Variants in MYH6 observed in about 807,000 individuals in gnomAD.
The protein encoded by MYH6 is myosin-6.
Under a neutral mutation model 223.2 loss-of-function variants are expected in MYH6, and 126 were observed. The ratio of observed to expected loss-of-function variants is 0.56; its 90% CI spans 0.49 to 0.65. MYH6 has a LOEUF of 0.65. MYH6 is among the 30% of genes least tolerant of loss of function. MYH6 has a pLI of 0.00. For synonymous variants in MYH6, 978 were observed against 1,010.2 expected, an observed-to-expected ratio of 0.97 and a Z score of 0.61; for missense variants, 2,040 against 2,536.4, an observed-to-expected ratio of 0.80 and a Z score of 4.20.
intron 12 of MYH6, among the ~76,000 whole-genome samples, 160 bp downstream of exon 12, chr14:23,402,304 T>C (rs28730777): frequency 0.033 from 5,004 of 152,052 alleles, 266 homozygotes; most frequent in African/African-American, 0.11. Context: ...GGGATTGTGG[T>C]GGACTCTCTG....
intron 34 of MYH6, 79 bp downstream of exon 34, chr14:23,385,849 C>T: frequency 3.1e-6 from 5 of 1,596,738 alleles, no homozygotes; most frequent in East Asian, 4.5e-5. Flanking sequence ...GATGTGCTCA[C>T]TTAGAACATC....
Position 23,407,140 on chromosome 14 carries a change from G to T in MYH6, c.84C>A (p.Thr28=). ...KSEKERLEAQ[T]RPFDIRTECF... The stretch of plus-strand genomic sequence containing the variant: ...ACTCAGTGCGAATGTCAAAGGGCCG[G>T]GTCTGGGCCTCTAGACGCTCCTTCT... The change falls in exon 3 of 39, where the codon ACC becomes ACA. Residue 28 remains threonine, a synonymous_variant. Coordinates refer to ENST00000405093, the MANE Select transcript of MYH6 (RefSeq NM_002471.4). The surrounding 1 kb of genome is among the most constrained non-coding windows in gnomAD (Gnocchi z 5.6). 6.2e-7 allele frequency: 1 copy of T among 1,614,252 alleles called. No homozygotes were observed. The highest frequency in any genetic ancestry group is 8.5e-7 in the Non-Finnish European group (1 of 1,180,052).
Position 23,389,702 on chromosome 14 carries a change from CA to C in MYH6, c.3749del (p.Val1250GlyfsTer14). 6.2e-7 allele frequency: 1 copy of C among 1,614,150 alleles called. No homozygotes were observed. The highest frequency in any genetic ancestry group is 1.3e-5 in the African/African-American group (1 of 75,028). On this transcript the variant is annotated frameshift_variant, in exon 27 of 39. Coordinates refer to ENST00000405093, the MANE Select transcript of MYH6 (RefSeq NM_002471.4). LOFTEE classifies it high-confidence loss of function. ...TGGCCTGGTCCTCCAGCGTCCGAGA[CA>C]CTTTCTCCAGGTTTGCCTTCAGGAA... ...IIKAKANLEK[V>X]SRTLEDQANE...
At chr14:23,404,871 A>C in intron 6 of MYH6, 49 bp from the exon 7 acceptor site, 2 of 1,570,738 alleles carry the variant, frequency 1.3e-6, no homozygotes, top group Non-Finnish European at 1.8e-6. Flanking sequence ...ACTGTTCTCC[A>C]TACAGGGCTC....
chr14:23,398,439 C>T (rs1056233065), intron 15 of MYH6, among the ~76,000 whole-genome samples: 5 of 152,220 alleles, frequency 3.3e-5, no homozygotes, highest in African/African-American at 4.8e-5. Context: ...CCACATGCAT[C>T]GTTCCCTGCT....
chr14:23,407,638 G>A lies in MYH6; in HGVS notation c.-46-30C>T. 8.9e-7 allele frequency: 1 copy of A among 1,122,790 alleles called. No homozygotes were observed. The highest frequency in any genetic ancestry group is 1.1e-6 in the Non-Finnish European group (1 of 910,830). The allele number at this position is 1,122,790 out of a possible 1,614,324, so 69.6% of individuals were successfully genotyped here. A position where few individuals can be genotyped will look rare whatever the true frequency, so the allele number is the denominator to read the frequency against. ...ACCGTGGGTGGAGCAAGGAACAACAGAGGTAGAGCCGGGCAGAGAGAAGAA... is the reference window on the plus strand; with the variant it reads ...ACCGTGGGTGGAGCAAGGAACAACAAAGGTAGAGCCGGGCAGAGAGAAGAA... On this transcript the variant is annotated intron_variant, in intron 1 of 38. Coordinates refer to ENST00000405093, the MANE Select transcript of MYH6 (RefSeq NM_002471.4). This position sits in a 1 kb window ranked among gnomAD's most constrained non-coding sequence, Gnocchi z 5.6.
intron 14 of MYH6, among the ~76,000 whole-genome samples, 190 bp from the exon 15 acceptor site, chr14:23,399,227 C>A (rs975941024): frequency 1.3e-5 from 2 of 152,196 alleles, no homozygotes; most frequent in African/African-American, 2.4e-5. Context: ...CCTTCCTCCT[C>A]CTTTCTGCCC....
Position 23,383,339 on chromosome 14 carries a change from G to GGGGGC in MYH6, c.5566-20_5566-19insGCCCC. ...CCTCTGTCTGGGGGTGGGAGGGTGG[G>GGGGGC]AGAAGCTGGTTTGGAGGGGGAGCAA... On this transcript the variant is annotated intron_variant, in intron 36 of 38. Coordinates refer to ENST00000405093, the MANE Select transcript of MYH6 (RefSeq NM_002471.4). The GGGGGC allele has an allele frequency of 9.2e-6, 1 of 108,202 alleles. No homozygotes were observed. The highest frequency in any genetic ancestry group is 1.8e-5 in the Non-Finnish European group (1 of 54,384). The allele number at this position is 108,202 out of a possible 1,614,324, so 6.7% of individuals were successfully genotyped here.
Position 23,405,249 on chromosome 14 carries a change from T to C in MYH6, c.476A>G (p.Asp159Gly). ...TGTCAGCATGTACTGATAGGCGTTG[T>C]CGGAGATGGAGAAGATGTGGGGCGG... ...EAPPHIFSIS[D>G]NAYQYMLTDR... The change falls in exon 5 of 39, where the codon GAC (aspartate) becomes GGC (glycine). Residue 159 changes from aspartate to glycine, a missense_variant. Physicochemically the swap from Asp to Gly is moderately conservative, Grantham distance 94. Coordinates refer to ENST00000405093, the MANE Select transcript of MYH6 (RefSeq NM_002471.4). This position sits in a 1 kb window ranked among gnomAD's most constrained non-coding sequence, Gnocchi z 4.7. 1 of 1,614,146 alleles carries C rather than the reference T, an allele frequency of 6.2e-7. No individual in the cohort carries two copies. Among genetic ancestry groups the C allele is most frequent in the Non-Finnish European group, 8.5e-7 (1 of 1,180,046 alleles).
At position 23,398,877 on chromosome 14, in the gene MYH6, A is replaced by G; in HGVS notation, c.1742T>C (p.Ile581Thr). 1 of 1,614,070 alleles carries G rather than the reference A, an allele frequency of 6.2e-7. No homozygotes were observed. The highest frequency in any genetic ancestry group is 8.5e-7 in the Non-Finnish European group (1 of 1,180,012). Residue 581 changes from isoleucine (I) to threonine (T), a missense_variant, in exon 15 of 39, where the codon ATC becomes ACC. Coordinates refer to ENST00000405093, the MANE Select transcript of MYH6 (RefSeq NM_002471.4). ...GTAGTCCACAGTGCCGGCGTAGTGGATCAGGGAGAAGTGGGCTTCCTGCTT... is the reference window on the plus strand; with the variant it reads ...GTAGTCCACAGTGCCGGCGTAGTGGGTCAGGGAGAAGTGGGCTTCCTGCTT... Reference protein sequence around the residue: ...KGKQEAHFSLIHYAGTVDYNI... With the variant: ...KGKQEAHFSLTHYAGTVDYNI...
chr14:23,402,453 G>T lies in MYH6; in HGVS notation c.1141+11C>A, dbSNP rs373521230. ...CAGGCCTTCCCAGGGCTGCCTGCCT[G>T]CCCCTCCCACCTTCGGTGCCGTCTG... On this transcript the variant is annotated intron_variant, in intron 12 of 38. Coordinates refer to ENST00000405093, the MANE Select transcript of MYH6 (RefSeq NM_002471.4). 6.2e-7 allele frequency: 1 copy of T among 1,612,376 alleles called. No homozygotes were observed.
chr14:23,385,716 T>C (rs1595048729), intron 34 of MYH6, among the ~76,000 whole-genome samples: 1 of 152,088 alleles, frequency 6.6e-6, no homozygotes, highest in East Asian at 1.9e-4. Context: ...CTTTGGCAGG[T>C]ATCAGCAATC....
chr14:23,398,639 C>T, intron 15 of MYH6, 89 bp downstream of exon 15: 18 of 1,488,540 alleles, frequency 1.2e-5, no homozygotes, highest in Non-Finnish European at 1.7e-5. Flanking sequence ...CTGTGCCTGC[C>T]TATGGAGTCA....
chr14:23,390,698 T>A (rs1891214014), intron 25 of MYH6, among the ~76,000 whole-genome samples: 1 of 152,048 alleles, frequency 6.6e-6, no homozygotes, highest in African/African-American at 2.4e-5. Context: ...CAATAGGAAT[T>A]TGGCTGAAGC....
At chr14:23,385,066 T>C (rs373092927) in intron 34 of MYH6, 25 bp from the exon 35 acceptor site, 1 of 1,613,746 alleles carries the variant, frequency 6.2e-7, no homozygotes, top group Non-Finnish European at 8.5e-7. Flanking sequence ...AGAAAAATGA[T>C]CAAATATATA....
chr14:23,387,242 C>T (rs187105068), intron 32 of MYH6, among the ~76,000 whole-genome samples: 1 of 152,308 alleles, frequency 6.6e-6, no homozygotes, highest in East Asian at 1.9e-4. Flanking sequence ...GACTCTGGAA[C>T]CCCACACTCC....
chr14:23,406,517 G>A (rs1017255961), intron 3 of MYH6, among the ~76,000 whole-genome samples: 15 of 152,204 alleles, frequency 9.9e-5, no homozygotes, highest in African/African-American at 3.4e-4. Context: ...AACCAGGGGT[G>A]ATTCTCTTGG....
chr14:23,404,624 A>G lies in MYH6; in HGVS notation c.642+87T>C, dbSNP rs1001378340. 332 of 1,318,112 alleles carry G rather than the reference A, an allele frequency of 2.5e-4. 1 individual carries two copies. In the East Asian group the frequency reaches 7.2e-3, roughly 29 times the overall value. 81.7% of individuals were successfully genotyped at this position (1,318,112 alleles called of 1,614,324 possible). ...CCAGCTCAGTGTGGCTGTCCCCACC[A>G]CGTCACAGGGAGGGGAGGGTTAGGG... On this transcript the variant is annotated intron_variant, in intron 7 of 38. Coordinates refer to ENST00000405093, the MANE Select transcript of MYH6 (RefSeq NM_002471.4).
chr14:23,404,651 T>G (rs1595063991), intron 7 of MYH6, 60 bp downstream of exon 7: 2 of 1,491,204 alleles, frequency 1.3e-6, no homozygotes, highest in Non-Finnish European at 1.9e-6. Context: ...GGGTTAGGGG[T>G]AACTCGGGTC....
Sources: gnomAD v4.1 joint callset for allele counts (sites outside exome capture counted in the v4.1 genomes callset) on GRCh38, gnomAD v4.1.1 for gene constraint, Gnocchi (gnomAD v3.1) non-coding constraint, MANE v1.5 for transcripts, NCBI Gene and HGNC (gene_info 2026-07-23, HGNC 2026-07-21) for gene names.